Variants in ZNF627 observed in about 807,000 individuals in gnomAD.
ZNF627 encodes the protein zinc finger protein 627.
In ZNF627, 12 loss-of-function variants were observed where a neutral mutation model predicts 10.6. The ratio of observed to expected loss-of-function variants is 1.13; its 90% CI spans 0.73 to 1.84. The LOEUF (loss-of-function observed/expected upper bound fraction) is 1.84. Among genes scored for constraint, ZNF627 ranks in the 40% most tolerant of loss-of-function variants. The pLI is 0.00. For missense variants in ZNF627, 504 were observed against 568.4 expected (o/e 0.89, Z 1.15); for synonymous variants, 176 against 187.1 (o/e 0.94, Z 0.48).
intron 1 of ZNF627, among the ~76,000 whole-genome samples, chr19:11,605,601 A>G (rs1195893816): frequency 1.3e-5 from 2 of 152,060 alleles, no homozygotes; most frequent in East Asian, 3.9e-4. Context: ...TCTCATGAGA[A>G]CTCACTATTA....
intron 1 of ZNF627, among the ~76,000 whole-genome samples, chr19:11,602,861 G>GT (rs1446575894): frequency 6.6e-6 from 1 of 152,204 alleles, no homozygotes; most frequent in African/African-American, 2.4e-5. Flanking sequence ...TTTCCACACT[G>GT]TGAGGAGAGG....
intron 1 of ZNF627, among the ~76,000 whole-genome samples, chr19:11,605,490 G>C (rs987496335): frequency 1.3e-5 from 2 of 152,106 alleles, no homozygotes; most frequent in East Asian, 3.9e-4. Flanking sequence ...TACAAGTATG[G>C]TGGAAGGGAA....
chr19:11,616,995 A>G lies in ZNF627; in HGVS notation c.492A>G (p.Gly164=), dbSNP rs1599665538. The change falls in exon 4 of 4, where the codon GGA becomes GGG. Residue 164 remains glycine, a synonymous_variant. Transcript: ENST00000361113. ...TACGTGAAAGGACTCATCCTGGAGG[A>G]AAGCCCTATGATTGTAAGGAATGTG... ...FPVRERTHPG[G]KPYDCKECGE... is the part of the protein sequence containing the mutation. 6.2e-7 allele frequency: 1 copy of G among 1,614,142 alleles called. No homozygotes were observed. Among genetic ancestry groups the G allele is most frequent in the Non-Finnish European group, 8.5e-7 (1 of 1,180,024 alleles).
At chr19:11,598,207 T>C (rs1012007803) in intron 1 of ZNF627, among the ~76,000 whole-genome samples, 1 of 152,142 alleles carries the variant, frequency 6.6e-6, no homozygotes. Flanking sequence ...TAACCCTAAA[T>C]TTTATTTCCT....
intron 1 of ZNF627, among the ~76,000 whole-genome samples, chr19:11,607,280 G>T (rs571659346): frequency 2.0e-5 from 3 of 152,096 alleles, no homozygotes; most frequent in African/African-American, 7.2e-5. Context: ...GGGATTACAG[G>T]CATGTGCCAC....
At position 11,617,458 on chromosome 19, in the gene ZNF627, C is replaced by T; in HGVS notation, c.955C>T (p.Leu319Phe). Residue 319 changes from leucine to phenylalanine, a missense_variant, in exon 4 of 4, where the codon CTT becomes TTT. Coordinates refer to ENST00000361113, the MANE Select transcript of ZNF627 (RefSeq NM_145295.4). Reference protein sequence around the residue: ...CKECGKALTCLASVRRHMIKH... With the variant: ...CKECGKALTCFASVRRHMIKH... ...GGAATGCGGGAAGGCTTTGACTTGT[C>T]TTGCAAGTGTTAGAAGACACATGAT... 6.2e-7 allele frequency: 1 copy of T among 1,613,832 alleles called. No individual in the cohort carries two copies. Among genetic ancestry groups the T allele is most frequent in the African/African-American group, 1.3e-5 (1 of 74,962 alleles).
chr19:11,597,729 TC>T, intron 1 of ZNF627, 99 bp downstream of exon 1: 1 of 1,248,922 alleles, frequency 8.0e-7, no homozygotes, highest in African/African-American at 1.5e-5. Context: ...CTGCGGCGAC[TC>T]CGGGGTCTGG....
In ZNF627 at chr19:11,617,705, G is replaced by T. The variant is rs1973901340; in HGVS notation, c.1202G>T (p.Ser401Ile). 1 of 1,612,768 alleles carries T rather than the reference G, an allele frequency of 6.2e-7. No homozygotes were observed. Among genetic ancestry groups the T allele is most frequent in the Non-Finnish European group, 8.5e-7 (1 of 1,179,626 alleles). Residue 401 changes from serine to isoleucine, a missense_variant, in exon 4 of 4, where the codon AGT becomes ATT. Transcript: ENST00000361113. ...TGTACAAAATGTGGGAAAGCCTTCA[G>T]TCGTTCCAGTTACTTCCGAATCCAT... is the stretch of plus-strand genomic sequence containing the variant. Reference protein sequence around the residue: ...YKCTKCGKAFSRSSYFRIHER... With the variant: ...YKCTKCGKAFIRSSYFRIHER...
intron 1 of ZNF627, among the ~76,000 whole-genome samples, chr19:11,601,768 G>A (rs535011473): frequency 6.6e-6 from 1 of 151,958 alleles, no homozygotes; most frequent in Admixed American, 6.6e-5. Context: ...TGCACTTTGG[G>A]AGGCCGAGGT....
intron 1 of ZNF627, among the ~76,000 whole-genome samples, chr19:11,607,025 A>T (rs773176566): frequency 1.1e-3 from 164 of 152,104 alleles, no homozygotes; most frequent in Non-Finnish European, 7.5e-4. Flanking sequence ...AAGGTCTGTG[A>T]TGTGTCCTGG....
intron 1 of ZNF627, among the ~76,000 whole-genome samples, chr19:11,610,144 C>G (rs141102841): frequency 1.3e-5 from 2 of 150,564 alleles, no homozygotes; most frequent in Non-Finnish European, 3.0e-5. Context: ...CTCCGCCTCC[C>G]GGGTTCAAGC....
In ZNF627 at chr19:11,617,869, G is replaced by T; in HGVS notation, c.1366G>T (p.Val456Phe). The T allele has an allele frequency of 6.5e-7, 1 of 1,545,154 alleles. No homozygotes were observed. Among genetic ancestry groups the T allele is most frequent in the Non-Finnish European group, 8.7e-7 (1 of 1,154,758 alleles). Residue 456 changes from valine (V) to phenylalanine (F), a missense_variant, in exon 4 of 4, where the codon GTT becomes TTT. Coordinates refer to ENST00000361113, the MANE Select transcript of ZNF627 (RefSeq NM_145295.4). ...TGAGAACCCTAACCCTAACGCTTCA[G>T]TTGTCCCAGTTCTTTCATGAGCATG... ...PYENPNPNASVVPVLS is the reference protein window; with the variant it reads ...PYENPNPNASFVPVLS
chr19:11,599,270 G>T (rs1973544578), intron 1 of ZNF627, among the ~76,000 whole-genome samples: 1 of 152,090 alleles, frequency 6.6e-6, no homozygotes, highest in Non-Finnish European at 1.5e-5. Flanking sequence ...GGAATCTCTT[G>T]ATATCCCCTC....
chr19:11,616,254 C>G (rs1022486951), intron 3 of ZNF627, among the ~76,000 whole-genome samples: 3 of 151,968 alleles, frequency 2.0e-5, no homozygotes, highest in Non-Finnish European at 4.4e-5. Context: ...CCACGTTGGT[C>G]AAGCTGGTCT....
chr19:11,613,208 C>G (rs969666800), intron 1 of ZNF627, among the ~76,000 whole-genome samples: 1 of 84,932 alleles, frequency 1.2e-5, no homozygotes, highest in Non-Finnish European at 2.4e-5. Flanking sequence ...TAGGGTCTCA[C>G]TTGGTTTCCC....
At chr19:11,601,954 C>T (rs540260032) in intron 1 of ZNF627, among the ~76,000 whole-genome samples, 15 of 143,390 alleles carry the variant, frequency 1.0e-4, no homozygotes, top group Admixed American at 9.5e-4. Flanking sequence ...TGCAGTGAGC[C>T]GAGATCGCGC....
At chr19:11,598,213 T>A (rs1265623516) in intron 1 of ZNF627, among the ~76,000 whole-genome samples, 3 of 152,136 alleles carry the variant, frequency 2.0e-5, no homozygotes, top group African/African-American at 7.2e-5. Context: ...TAAATTTTAT[T>A]TCCTTATAAA....
At chr19:11,606,331 T>C (rs1346766518) in intron 1 of ZNF627, among the ~76,000 whole-genome samples, 3 of 150,972 alleles carry the variant, frequency 2.0e-5, no homozygotes, top group African/African-American at 7.3e-5. Context: ...AGCCAGACTC[T>C]GTCTCAAAAA....
intron 1 of ZNF627, among the ~76,000 whole-genome samples, chr19:11,609,583 T>C (rs1973737734): frequency 6.8e-6 from 1 of 147,542 alleles, no homozygotes; most frequent in Non-Finnish European, 1.5e-5. Flanking sequence ...AATGGCATGA[T>C]CTCAGCTCAC....
Sources: gnomAD v4.1 joint callset for allele counts (sites outside exome capture counted in the v4.1 genomes callset) on GRCh38, gnomAD v4.1.1 for gene constraint, MANE v1.5 for transcripts, NCBI Gene and HGNC (gene_info 2026-07-23, HGNC 2026-07-21) for gene names.